DOCK10: variants seen among roughly 807,000 people sequenced by gnomAD.
The protein encoded by DOCK10 is dedicator of cytokinesis 10.
Under a neutral mutation model 280.1 loss-of-function variants are expected in DOCK10, and 145 were observed. The ratio of observed to expected loss-of-function variants is 0.52; its 90% CI spans 0.45 to 0.59. The LOEUF is 0.59. Among genes scored for constraint, DOCK10 ranks in the 20% least tolerant of loss-of-function variants. The probability of loss-of-function intolerance (pLI) is 0.00; values close to 1 mark genes in which losing one functional copy is unlikely to be tolerated. For missense variants in DOCK10, 2,368 were observed against 2,651.7 expected (o/e 0.89, Z 2.35); for synonymous variants, 915 against 942.2 (o/e 0.97, Z 0.53).
chr2:224,766,265 T>TTA (rs1294357855), intron 55 of DOCK10, among the ~76,000 whole-genome samples: 2 of 152,210 alleles, frequency 1.3e-5, no homozygotes, highest in African/African-American at 4.8e-5. Context: ...GAAAATAATG[T>TTA]TAGTGTGCCT....
chr2:224,977,020 G>T (rs761354909), intron 1 of DOCK10, among the ~76,000 whole-genome samples: 21 of 152,280 alleles, frequency 1.4e-4, no homozygotes, highest in African/African-American at 5.1e-4. Context: ...AGCAGTAACT[G>T]CAATTCCCTT....
At chr2:224,800,784 C>G (rs891065547) in intron 40 of DOCK10, among the ~76,000 whole-genome samples, 1 of 152,122 alleles carries the variant, frequency 6.6e-6, no homozygotes, top group African/African-American at 2.4e-5. Flanking sequence ...TGACAATGGC[C>G]TGTGACACAG....
At chr2:224,961,804 C>T (rs1704466975) in intron 1 of DOCK10, among the ~76,000 whole-genome samples, 2 of 152,020 alleles carry the variant, frequency 1.3e-5, no homozygotes, top group Admixed American at 6.6e-5. Flanking sequence ...CACGCCTGGC[C>T]ACATAGCAGC....
At chr2:224,870,255 T>C (rs1394571836) in intron 11 of DOCK10, among the ~76,000 whole-genome samples, 1 of 152,212 alleles carries the variant, frequency 6.6e-6, no homozygotes, top group Non-Finnish European at 1.5e-5. Context: ...TGTAAGTTTC[T>C]TGAGGCCTCA....
chr2:224,934,668 C>A (rs1702586022), intron 1 of DOCK10, among the ~76,000 whole-genome samples: 1 of 152,218 alleles, frequency 6.6e-6, no homozygotes, highest in Non-Finnish European at 1.5e-5. Context: ...CTCACTACTG[C>A]TCCTTGCAGA....
intron 2 of DOCK10, among the ~76,000 whole-genome samples, chr2:224,922,185 C>T (rs1269189926): frequency 6.7e-6 from 1 of 149,944 alleles, no homozygotes; most frequent in African/African-American, 2.4e-5. Flanking sequence ...AACTGTGGCA[C>T]TTCTTCTCAT....
At chr2:224,925,012 T>C (rs1474458580) in intron 2 of DOCK10, among the ~76,000 whole-genome samples, 1 of 152,298 alleles carries the variant, frequency 6.6e-6, no homozygotes, top group Admixed American at 6.5e-5. Context: ...AGAGGAATAT[T>C]ATAACATAGA....
rs148452401 is a variant in DOCK10 at position 225,018,077 on chromosome 2, A to G, written c.123+24175T>C. ...TGCTTGACTGAATTTTCAATAACAAAAAGGGCATTAAGGAATATTATACCA... is the reference window on the plus strand; with the variant it reads ...TGCTTGACTGAATTTTCAATAACAAGAAGGGCATTAAGGAATATTATACCA... On this transcript the variant is annotated intron_variant, in intron 1 of 55. Coordinates refer to ENST00000258390, the MANE Select transcript of DOCK10 (RefSeq NM_014689.3). Among the ~76,000 whole-genome samples, 15 of 152,268 alleles carry G rather than the reference A, an allele frequency of 9.9e-5. No individual in the cohort carries two copies. In the East Asian group the frequency reaches 2.7e-3, roughly 27 times the overall value.
At chr2:224,950,188 C>G (rs1163440389) in intron 1 of DOCK10, among the ~76,000 whole-genome samples, 2 of 152,084 alleles carry the variant, frequency 1.3e-5, no homozygotes, top group African/African-American at 2.4e-5. Flanking sequence ...TTGCATTAAT[C>G]TAGATATTAA....
At chr2:225,040,769 T>A (rs1018242179) in intron 1 of DOCK10, among the ~76,000 whole-genome samples, 4 of 152,218 alleles carry the variant, frequency 2.6e-5, no homozygotes, top group Admixed American at 2.6e-4. Flanking sequence ...ACCACAATTC[T>A]GAATGATCAT....
At chr2:224,977,244 G>A (rs999885829) in intron 1 of DOCK10, among the ~76,000 whole-genome samples, 4 of 152,166 alleles carry the variant, frequency 2.6e-5, no homozygotes, top group East Asian at 1.9e-4. Flanking sequence ...ACCCCAGAAT[G>A]TTCATGGATT....
At chr2:225,030,058 A>G (rs1293098818) in intron 1 of DOCK10, among the ~76,000 whole-genome samples, 1 of 151,798 alleles carries the variant, frequency 6.6e-6, no homozygotes, top group Non-Finnish European at 1.5e-5. Context: ...AGGCAGAAGA[A>G]TCACTGGAGC....
intron 1 of DOCK10, chr2:224,947,084 T>G (rs2126105114): frequency 7.3e-7 from 1 of 1,361,550 alleles, no homozygotes; most frequent in Admixed American, 3.7e-5. Context: ...TACATGAATG[T>G]AACTCAACAG....
chr2:224,812,755 T>C (rs1693866527), intron 31 of DOCK10, among the ~76,000 whole-genome samples: 1 of 152,234 alleles, frequency 6.6e-6, no homozygotes, highest in African/African-American at 2.4e-5. Context: ...CATGTGGTTT[T>C]TGTCTTTGGT....
At chr2:224,819,401 A>C (rs768042986) in intron 29 of DOCK10, 45 bp downstream of exon 29, 2 of 1,289,230 alleles carry the variant, frequency 1.6e-6, no homozygotes, top group Admixed American at 2.0e-5. Context: ...ATTTATTTAC[A>C]ATGCCATAGT....
Position 224,931,632 on chromosome 2 carries a change from C to T in DOCK10, c.160G>A (p.Glu54Lys). 1 of 1,610,964 alleles carries T rather than the reference C, an allele frequency of 6.2e-7. No individual in the cohort carries two copies. The highest frequency in any genetic ancestry group is 8.5e-7 in the Non-Finnish European group (1 of 1,178,546). ...KPRLLEPLDY[E>K]TVIEELEKTY... ...TTTTCAAGTTCTTCAATGACAGTCT[C>T]ATAATCCAAAGGCTCGAGAAGCCTA... Residue 54 changes from glutamate to lysine, a missense_variant, in exon 2 of 56, where the codon GAG (glutamate) becomes AAG (lysine). Coordinates refer to ENST00000258390, the MANE Select transcript of DOCK10 (RefSeq NM_014689.3).
At chr2:224,950,609 G>A (rs1182275025) in intron 1 of DOCK10, among the ~76,000 whole-genome samples, 1 of 152,202 alleles carries the variant, frequency 6.6e-6, no homozygotes, top group Non-Finnish European at 1.5e-5. Flanking sequence ...AGGGTGGTAA[G>A]AAGGGAGGGT....
chr2:224,937,295 C>T (rs1306593055), intron 1 of DOCK10, among the ~76,000 whole-genome samples: 2 of 152,098 alleles, frequency 1.3e-5, no homozygotes, highest in African/African-American at 2.4e-5. Flanking sequence ...GGGAAAAGGG[C>T]AGTGTTGCTG....
Position 224,770,960 on chromosome 2 carries a change from C to T in DOCK10, c.6205-315G>A, listed in dbSNP as rs1252712725. 6.6e-6 allele frequency among the ~76,000 whole-genome samples: 1 copy of T among 151,616 alleles called. No individual in the cohort carries two copies. Among genetic ancestry groups the T allele is most frequent in the South Asian group, 2.1e-4 (1 of 4,810 alleles). ...TCTTTCTTTTTTTCTTTGTTAGAGA[C>T]AGGGTCTCACTCTGTTGCCCAGGCT... is the stretch of plus-strand genomic sequence containing the variant. On this transcript the variant is annotated intron_variant, in intron 53 of 55. Coordinates refer to ENST00000258390, the MANE Select transcript of DOCK10 (RefSeq NM_014689.3). The surrounding 1 kb of genome is among the most constrained non-coding windows in gnomAD (Gnocchi z 4.5).
Sources: allele counts gnomAD v4.1 joint callset (sites outside exome capture counted in the v4.1 genomes callset), GRCh38; gene constraint gnomAD v4.1.1; non-coding constraint Gnocchi (gnomAD v3.1); transcripts MANE v1.5; gene names NCBI Gene and HGNC (gene_info 2026-07-23, HGNC 2026-07-21).